The following PPEF1 variants were observed in gnomAD, a reference collection of about 807,000 sequenced individuals.
PPEF1 encodes serine/threonine-protein phosphatase with EF-hands 1.
A neutral mutation model predicts 53.3 loss-of-function variants in PPEF1; 12 were observed. The ratio of observed to expected loss-of-function variants is 0.23; its 90% CI spans 0.14 to 0.36. PPEF1 has a LOEUF of 0.36. Among genes scored for constraint, PPEF1 ranks in the 10% least tolerant of loss-of-function variants. The pLI is 1.00. For synonymous variants in PPEF1, 165 were observed against 176.7 expected, an observed-to-expected ratio of 0.93 and a Z score of 0.52; for missense variants, 334 against 490.4, an observed-to-expected ratio of 0.68 and a Z score of 3.01.
intron 1 of PPEF1, among the ~76,000 whole-genome samples, chrX:18,726,806 C>T (rs1375028402): frequency 9.1e-6 from 1 of 109,905 alleles, no homozygotes; most frequent in Non-Finnish European, 1.9e-5. Context: ...GGATTACAAG[C>T]GTGTACCACC....
chrX:18,725,154 C>T (rs1458727006), intron 1 of PPEF1, among the ~76,000 whole-genome samples: 1 of 111,025 alleles, frequency 9.0e-6, no homozygotes, highest in Non-Finnish European at 1.9e-5. Context: ...ACCTATTTTT[C>T]CCACCCCTCT....
intron 1 of PPEF1, among the ~76,000 whole-genome samples, chrX:18,710,168 CTA>C (rs1306769832): frequency 1.8e-5 from 2 of 111,763 alleles, no homozygotes; most frequent in Admixed American, 9.5e-5. Flanking sequence ...GGAGAAATGT[CTA>C]TTCAGATCAT....
chrX:18,760,953 G>A (rs1197439643), intron 5 of PPEF1, among the ~76,000 whole-genome samples: 1 of 109,776 alleles, frequency 9.1e-6, no homozygotes, highest in Non-Finnish European at 1.9e-5. Context: ...GCTAATTTTT[G>A]TATTTTTAGT....
At chrX:18,816,573 T>G (rs2046920922) in intron 12 of PPEF1, among the ~76,000 whole-genome samples, 1 of 111,808 alleles carries the variant, frequency 8.9e-6, no homozygotes, top group Non-Finnish European at 1.9e-5. Flanking sequence ...TGTTCAAGAC[T>G]TCTCTTTCCA....
rs868750986 is a variant in PPEF1, at chrX:18,821,091, C to T, written c.1502-2832C>T. Among the ~76,000 whole-genome samples the T allele has an allele frequency of 1.2e-3, 127 of 107,752 alleles. 1 individual carries two copies. Among genetic ancestry groups the T allele is most frequent in the Admixed American group, 7.0e-3 (70 of 9,991 alleles). The allele number at this position is 107,752 out of a possible 115,157, so 93.6% of individuals were successfully genotyped here. A position where few individuals can be genotyped will look rare whatever the true frequency, so the allele number is the denominator to read the frequency against. ...ACAAAAAATTAGCCAGGCGTGGTGG[C>T]GGGCGCCTGTAGTCCCAGCTACTCG... On this transcript the variant is annotated intron_variant, in intron 13 of 15. Coordinates refer to ENST00000470157, the MANE Select transcript of PPEF1 (RefSeq NM_001377996.1).
At chrX:18,787,640 C>G (rs1406351408) in intron 9 of PPEF1, among the ~76,000 whole-genome samples, 1 of 109,225 alleles carries the variant, frequency 9.2e-6, no homozygotes, top group East Asian at 2.9e-4. Flanking sequence ...TTGTGTACAG[C>G]TGGGCACGGT....
At chrX:18,759,502 A>G (rs1163518370) in intron 5 of PPEF1, among the ~76,000 whole-genome samples, 2 of 111,800 alleles carry the variant, frequency 1.8e-5, no homozygotes, top group African/African-American at 6.5e-5. Flanking sequence ...TTATATTATA[A>G]ATGATAACCA....
Position 18,707,835 on chromosome X carries a change from T to G in PPEF1, c.46+9T>G, listed in dbSNP as rs1201509835. On this transcript the variant is annotated intron_variant, in intron 1 of 15. Transcript: ENST00000470157. ...CAGGAGATCTGACACATGTGAGTAC[T>G]GGGAATGTGCCTGTGGTTATGAATG... 2.5e-6 allele frequency: 3 copies of G among 1,200,391 alleles called. No individual in the cohort carries two copies. The highest frequency in any genetic ancestry group is 3.5e-5 in the African/African-American group (2 of 56,975).
chrX:18,696,080 A>G (rs1206536540), intron 4 of PPEF1, among the ~76,000 whole-genome samples: 1 of 112,032 alleles, frequency 8.9e-6, no homozygotes, highest in Non-Finnish European at 1.9e-5. Context: ...TCCTTTCTCT[A>G]TTTAAGTGAA....
intron 13 of PPEF1, among the ~76,000 whole-genome samples, chrX:18,821,156 C>G (rs377306361): frequency 3.9e-5 from 4 of 102,015 alleles, no homozygotes; most frequent in South Asian, 4.7e-4. Context: ...CCAGGAGGCG[C>G]AGCTTGCAGT....
chrX:18,747,190 G>A (rs1176613636), intron 3 of PPEF1, among the ~76,000 whole-genome samples: 1 of 111,525 alleles, frequency 9.0e-6, no homozygotes, highest in African/African-American at 3.3e-5. Context: ...CCAGTGTGGG[G>A]GAGATGCAAG....
chrX:18,778,729 C>CT (rs1252894046), intron 6 of PPEF1, among the ~76,000 whole-genome samples: 2 of 111,222 alleles, frequency 1.8e-5, no homozygotes, highest in East Asian at 5.7e-4. Context: ...ATATCAGCTC[C>CT]TTTCAGAGGA....
At chrX:18,786,691 G>T (rs1442796354) in intron 9 of PPEF1, among the ~76,000 whole-genome samples, 3 of 105,746 alleles carry the variant, frequency 2.8e-5, no homozygotes, top group Non-Finnish European at 5.8e-5. Flanking sequence ...GCTGAGGCAG[G>T]AGGATCACTT....
At chrX:18,730,069 A>C (rs1286864310) in intron 1 of PPEF1, 112 bp from the exon 2 acceptor site, 4 of 766,613 alleles carry the variant, frequency 5.2e-6, no homozygotes, top group Non-Finnish European at 7.3e-6. Flanking sequence ...TAATATTCTT[A>C]GAACCTAGGA....
chrX:18,749,716 A>G, intron 3 of PPEF1, 76 bp from the exon 4 acceptor site: 1 of 707,757 alleles, frequency 1.4e-6, no homozygotes, highest in Non-Finnish European at 2.1e-6. Context: ...TCAAGAAGAT[A>G]TTTATTAAAT....
intron 1 of PPEF1, among the ~76,000 whole-genome samples, chrX:18,721,712 T>C (rs749825413): frequency 9.0e-6 from 1 of 111,478 alleles, no homozygotes; most frequent in Non-Finnish European, 1.9e-5. Flanking sequence ...TATTACCCCA[T>C]GTGGATGGGG....
chrX:18,785,862 A>T (rs899424865), intron 9 of PPEF1, among the ~76,000 whole-genome samples: 10 of 111,773 alleles, frequency 8.9e-5, no homozygotes, highest in African/African-American at 3.3e-4. Flanking sequence ...AGCCTGCATG[A>T]CAGAGAGAGA....
chrX:18,778,948 G>A, intron 6 of PPEF1, 62 bp from the exon 7 acceptor site: 3 of 1,043,648 alleles, frequency 2.9e-6, no homozygotes, highest in Non-Finnish European at 3.9e-6. Flanking sequence ...TTATGTACAC[G>A]GCCTGACTTT....
intron 2 of PPEF1, 140 bp from the exon 3 acceptor site, chrX:18,733,608 G>C: frequency 2.1e-6 from 1 of 479,559 alleles, no homozygotes; most frequent in Middle Eastern, 3.7e-4. Flanking sequence ...GGCAGGCATA[G>C]AAGTGACCCT....
Sources: gnomAD v4.1 joint callset for allele counts (sites outside exome capture counted in the v4.1 genomes callset) on GRCh38, gnomAD v4.1.1 for gene constraint, MANE v1.5 for transcripts, NCBI Gene and HGNC (gene_info 2026-07-23, HGNC 2026-07-21) for gene names.